Variants in RECQL5 observed in about 807,000 individuals in gnomAD.
The protein encoded by RECQL5 is ATP-dependent DNA helicase Q5.
In RECQL5, 88 loss-of-function variants were observed where a neutral mutation model predicts 103.4. That is an observed-to-expected ratio of 0.85 (90% CI 0.72 to 1.02). The LOEUF (loss-of-function observed/expected upper bound fraction) is 1.02. RECQL5 is among the 50% of genes least tolerant of loss of function. The pLI is 0.00. For missense variants in RECQL5, 1,232 were observed against 1,284.3 expected (o/e 0.96, Z 0.62); for synonymous variants, 552 against 507.9 (o/e 1.09, Z -1.17).
At chr17:75,661,113 G>T in intron 5 of RECQL5, 47 bp from the exon 6 acceptor site, 3 of 1,465,236 alleles carry the variant, frequency 2.0e-6, no homozygotes, top group Non-Finnish European at 1.9e-6. Flanking sequence ...TTTCCCTTGG[G>T]TTTACCGGGG....
intron 8 of RECQL5, chr17:75,639,758 T>A (rs2059398496): frequency 6.4e-6 from 1 of 156,462 alleles, no homozygotes; most frequent in Non-Finnish European, 1.4e-5. Flanking sequence ...GCTCCTTCTG[T>A]CCCCACATTG....
chr17:75,656,143 C>T (rs1023548664), intron 7 of RECQL5, among the ~76,000 whole-genome samples: 3 of 152,204 alleles, frequency 2.0e-5, no homozygotes, highest in Non-Finnish European at 4.4e-5. Context: ...GGCGCGATCT[C>T]GGCTCACCAC....
intron 3 of RECQL5, among the ~76,000 whole-genome samples, chr17:75,663,699 T>C (rs889676894): frequency 6.6e-5 from 10 of 152,176 alleles, no homozygotes; most frequent in Non-Finnish European, 1.3e-4. Context: ...CTCTGAACGA[T>C]TTATACAATT....
chr17:75,660,584 C>T (rs2059686010), intron 6 of RECQL5, among the ~76,000 whole-genome samples: 1 of 152,216 alleles, frequency 6.6e-6, no homozygotes, highest in African/African-American at 2.4e-5. Context: ...CTTACAGGAT[C>T]TCAGTCTATG....
At chr17:75,661,736 A>G in intron 4 of RECQL5, 28 bp from the exon 5 acceptor site, 1 of 1,542,490 alleles carries the variant, frequency 6.5e-7, no homozygotes, top group Non-Finnish European at 9.0e-7. Context: ...GGAAGAAAAT[A>G]AGCATAGCAA....
At chr17:75,645,237 AG>A (rs1318205584) in intron 8 of RECQL5, among the ~76,000 whole-genome samples, 1 of 152,242 alleles carries the variant, frequency 6.6e-6, no homozygotes, top group Non-Finnish European at 1.5e-5. Flanking sequence ...CTTTTTCAAC[AG>A]GAACATTATC....
chr17:75,627,757 C>T (rs971312580), intron 18 of RECQL5, 65 bp from the exon 19 acceptor site: 15 of 1,429,116 alleles, frequency 1.0e-5, no homozygotes, highest in Admixed American at 3.9e-5. Context: ...CAGTGGCTCA[C>T]GCCTGTAATC....
intron 8 of RECQL5, chr17:75,639,590 T>G (rs1167791589): frequency 6.6e-6 from 1 of 152,284 alleles, no homozygotes; most frequent in African/African-American, 2.4e-5. Flanking sequence ...TGGCAAAACC[T>G]GGAGGGACAC....
At chr17:75,665,283 G>C in intron 2 of RECQL5, 111 bp from the exon 3 acceptor site, 1 of 968,576 alleles carries the variant, frequency 1.0e-6, no homozygotes, top group South Asian at 1.5e-5. Flanking sequence ...CTGGCACATG[G>C]GAGGGTCTCG....
chr17:75,627,581 C>G, intron 19 of RECQL5, 42 bp downstream of exon 19: 1 of 1,613,300 alleles, frequency 6.2e-7, no homozygotes, highest in Non-Finnish European at 8.5e-7. Context: ...CTGTAGACCA[C>G]CCTCCCAAGT....
At chr17:75,656,616 T>C (rs2059623643) in intron 7 of RECQL5, among the ~76,000 whole-genome samples, 1 of 152,190 alleles carries the variant, frequency 6.6e-6, no homozygotes, top group African/African-American at 2.4e-5. Flanking sequence ...GATTTTCTTA[T>C]GATTGAGTAG....
In RECQL5 at chr17:75,649,769, G is replaced by A. The variant is rs927593976; in HGVS notation, c.1229+1417C>T. The A allele has an allele frequency of 4.1e-6, 4 of 985,388 alleles. No homozygotes were observed. In the African/African-American group the frequency reaches 7.0e-5, roughly 17 times the overall value. The allele number at this position is 985,388 out of a possible 1,614,324, so 61.0% of individuals were successfully genotyped here. A position where few individuals can be genotyped will look rare whatever the true frequency, so the allele number is the denominator to read the frequency against. On this transcript the variant is annotated intron_variant, in intron 8 of 19. Transcript: ENST00000317905. ...TGCCTGGATTTCAGAATCATCACAT[G>A]TAGCAAAGGAGACAGGCACGAGGCT... is the stretch of plus-strand genomic sequence containing the variant.
In RECQL5 at chr17:75,661,624, C is replaced by T. The variant is rs771388094; in HGVS notation, c.856G>A (p.Ala286Thr). Reference protein sequence around the residue: ...AIELSCRGVNAKAYHAGLKAS... With the variant: ...AIELSCRGVNTKAYHAGLKAS... Reference sequence around the variant, plus strand: ...CCCTTACCTGCATGGTAAGCCTTGGCGTTCACACCCCTGCAGCTGAGCTCT... The same window carrying T: ...CCCTTACCTGCATGGTAAGCCTTGGTGTTCACACCCCTGCAGCTGAGCTCT... Residue 286 changes from alanine to threonine, a missense_variant, in exon 5 of 20, where the codon GCC becomes ACC. Transcript: ENST00000317905. 6.8e-6 allele frequency: 11 copies of T among 1,613,806 alleles called. No individual in the cohort carries two copies. The highest frequency in any genetic ancestry group is 4.4e-5 in the South Asian group (4 of 91,080).
intron 8 of RECQL5, among the ~76,000 whole-genome samples, chr17:75,642,137 T>C (rs1449299213): frequency 6.6e-6 from 1 of 152,128 alleles, no homozygotes; most frequent in Non-Finnish European, 1.5e-5. Context: ...ACCCCCTCCT[T>C]TCAGCTGAGT....
At chr17:75,660,424 T>TA (rs1195974111) in intron 6 of RECQL5, among the ~76,000 whole-genome samples, 1 of 152,228 alleles carries the variant, frequency 6.6e-6, no homozygotes, top group African/African-American at 2.4e-5. Flanking sequence ...GTGCAAACAT[T>TA]ACGGTGGATA....
At chr17:75,633,377 A>G in intron 8 of RECQL5, 1 of 1,219,362 alleles carries the variant, frequency 8.2e-7, no homozygotes, top group Non-Finnish European at 1.1e-6. Context: ...CAAATGTCAC[A>G]GGGCCCGGCC....
intron 8 of RECQL5, among the ~76,000 whole-genome samples, chr17:75,641,910 G>T (rs928761106): frequency 6.6e-6 from 1 of 152,156 alleles, no homozygotes; most frequent in Non-Finnish European, 1.5e-5. Flanking sequence ...CTCCCCCTTG[G>T]TGAAATGGAG....
rs1568258897 is a variant in RECQL5 at position 75,630,851 on chromosome 17, G to GT, written c.1586-15_1586-14insA. On this transcript the variant is annotated splice_polypyrimidine_tract_variant and intron_variant, in intron 11 of 19. Transcript: ENST00000317905. ...GACAGTTCTCATCTGTGGGGGGGGG[G>GT]GGTGGTCCTTGGTCCTTTCGCTCCA... 23 of 1,448,108 alleles carry GT rather than the reference G, an allele frequency of 1.6e-5. No homozygotes were observed. Among genetic ancestry groups the GT allele is most frequent in the African/African-American group, 3.0e-5 (2 of 67,676 alleles). 89.7% of individuals were successfully genotyped at this position (1,448,108 alleles called of 1,614,324 possible).
Position 75,628,201 on chromosome 17 carries a change from C to T in RECQL5, c.2805+17G>A, listed in dbSNP as rs2059138930. The stretch of plus-strand genomic sequence containing the variant: ...CCCCAGGCATGGGAGAAGGCAGAGC[C>T]CACTCACTCCCCCTACCTTGGAAGC... On this transcript the variant is annotated intron_variant, in intron 18 of 19. Transcript: ENST00000317905. 1 of 1,601,426 alleles carries T rather than the reference C, an allele frequency of 6.2e-7. No homozygotes were observed. Among genetic ancestry groups the T allele is most frequent in the African/African-American group, 1.3e-5 (1 of 74,662 alleles).
Sources: allele counts gnomAD v4.1 joint callset (sites outside exome capture counted in the v4.1 genomes callset), GRCh38; gene constraint gnomAD v4.1.1; transcripts MANE v1.5; gene names NCBI Gene and HGNC (gene_info 2026-07-23, HGNC 2026-07-21).